Variants in SEMA3D observed in about 807,000 individuals in gnomAD.
SEMA3D encodes the protein semaphorin-3D.
SEMA3D carries 84 observed loss-of-function variants against 100.1 expected under a neutral mutation model. The observed-to-expected ratio is 0.84, with a 90% CI of 0.70 to 1.01. The LOEUF is 1.01. Among genes scored for constraint, SEMA3D ranks in the 50% least tolerant of loss-of-function variants. The probability of loss-of-function intolerance (pLI) is 0.00; values close to 1 mark genes in which losing one functional copy is unlikely to be tolerated. For synonymous variants in SEMA3D, 312 were observed against 320.7 expected (o/e 0.97, Z 0.29); for missense variants, 875 against 934.1 (o/e 0.94, Z 0.82).
chr7:85,203,600 A>G, the SEMA3D span, among the ~76,000 whole-genome samples: 1 of 152,126 alleles, frequency 6.6e-6, no homozygotes, highest in Non-Finnish European at 1.5e-5. Flanking sequence ...TTCCTGAAAA[A>G]TATTTCATGT....
In SEMA3D at chr7:85,081,478, G is replaced by T. The variant is rs1207142886; in HGVS notation, c.375+39C>A. 3 of 1,306,554 alleles carry T rather than the reference G, an allele frequency of 2.3e-6. No homozygotes were observed. The African/African-American group carries it at 4.3e-5, about 19-fold the overall frequency. 80.9% of individuals were successfully genotyped at this position (1,306,554 alleles called of 1,614,324 possible). A position where few individuals can be genotyped will look rare whatever the true frequency, so the allele number is the denominator to read the frequency against. ...ATAAATATTTGCTATCATATCAGTAGAAGTTTTACAAAGATAATTGTTACA... is the reference window on the plus strand; with the variant it reads ...ATAAATATTTGCTATCATATCAGTATAAGTTTTACAAAGATAATTGTTACA... On this transcript the variant is annotated intron_variant, in intron 5 of 18. Transcript: ENST00000284136.
chr7:85,018,240 G>A lies in SEMA3D; in HGVS notation c.1545+12C>T, dbSNP rs772292987. The A allele has an allele frequency of 6.4e-7, 1 of 1,564,492 alleles. No individual in the cohort carries two copies. Among genetic ancestry groups the A allele is most frequent in the Admixed American group, 1.7e-5 (1 of 59,492 alleles). On this transcript the variant is annotated intron_variant, in intron 15 of 18. Transcript: ENST00000284136. ...TTTTGTGATTAACTTTCATACAAAA[G>A]TTAAAAAGTACCTGCTTCAGAGACA... is the stretch of plus-strand genomic sequence containing the variant.
At chr7:85,166,943 G>A (rs1790922953) in intron 1 of SEMA3D, among the ~76,000 whole-genome samples, 1 of 151,908 alleles carries the variant, frequency 6.6e-6, no homozygotes, top group African/African-American at 2.4e-5. Context: ...CAAAGCAACT[G>A]ATCAGAACTA....
At chr7:85,082,339 C>CTTGAGTTCAAGGCTTTTTTCTTTCT (rs1349031782) in intron 4 of SEMA3D, among the ~76,000 whole-genome samples, 1 of 152,182 alleles carries the variant, frequency 6.6e-6, no homozygotes, top group Non-Finnish European at 1.5e-5. Context: ...GCTTCACGAT[C>CTTGAGTTCAAGGCTTTTTTCTTTCT]TTGAGTTCAA....
At chr7:85,037,064 T>C in intron 11 of SEMA3D, 31 bp from the exon 12 acceptor site, 2 of 1,603,396 alleles carry the variant, frequency 1.2e-6, no homozygotes, top group South Asian at 1.1e-5. Context: ...CATTCAATCA[T>C]TCACTGATGA....
intron 1 of SEMA3D, among the ~76,000 whole-genome samples, chr7:85,179,684 C>T (rs554957327): frequency 4.1e-4 from 59 of 142,960 alleles, no homozygotes; most frequent in East Asian, 4.1e-3. Context: ...TTTTTTGAGA[C>T]GGAATCTCGC....
the SEMA3D span, among the ~76,000 whole-genome samples, chr7:85,192,430 A>G: frequency 6.6e-6 from 1 of 152,212 alleles, no homozygotes; most frequent in East Asian, 1.9e-4. Context: ...TAAAATATTT[A>G]CCATCTGACT....
chr7:85,140,535 T>C, intron 2 of SEMA3D: 2 of 983,822 alleles, frequency 2.0e-6, no homozygotes, highest in Non-Finnish European at 2.4e-6. Context: ...ACTTCAAACA[T>C]CAGCACAAAT....
At chr7:85,015,506 C>A (rs563232867) in intron 15 of SEMA3D, among the ~76,000 whole-genome samples, 17 of 151,912 alleles carry the variant, frequency 1.1e-4, no homozygotes, top group African/African-American at 3.6e-4. Context: ...ATGTCAAATT[C>A]TTTCTCAATA....
At chr7:85,000,412 T>C (rs556943540) in intron 18 of SEMA3D, among the ~76,000 whole-genome samples, 4 of 152,246 alleles carry the variant, frequency 2.6e-5, no homozygotes, top group African/African-American at 9.6e-5. Flanking sequence ...GTTCTGTGAG[T>C]AGCATATGAA....
chr7:85,195,184 T>C, the SEMA3D span, among the ~76,000 whole-genome samples: 5 of 152,166 alleles, frequency 3.3e-5, no homozygotes, highest in African/African-American at 7.2e-5. Flanking sequence ...AGTTTAGTTA[T>C]GGCATCCAGT....
the SEMA3D span, among the ~76,000 whole-genome samples, chr7:85,208,156 T>A: frequency 6.6e-6 from 1 of 152,044 alleles, no homozygotes; most frequent in East Asian, 1.9e-4. Context: ...ATTGCATTTA[T>A]CAAGTAACTA....
intron 1 of SEMA3D, among the ~76,000 whole-genome samples, chr7:85,181,233 C>G (rs1367207758): frequency 6.6e-6 from 1 of 151,994 alleles, no homozygotes; most frequent in African/African-American, 2.4e-5. Flanking sequence ...AAGAACCAGA[C>G]ACCTTTGGAG....
At chr7:85,004,864 A>G (rs1357747407) in intron 18 of SEMA3D, among the ~76,000 whole-genome samples, 1 of 152,040 alleles carries the variant, frequency 6.6e-6, no homozygotes, top group African/African-American at 2.4e-5. Flanking sequence ...TACAGCAAAG[A>G]TACTTCTTTT....
rs979815076 is a variant in SEMA3D at position 85,036,883 on chromosome 7, A to T, written c.1191+6T>A. 2 of 1,603,850 alleles carry T rather than the reference A, an allele frequency of 1.2e-6. No homozygotes were observed. Among genetic ancestry groups the T allele is most frequent in the African/African-American group, 2.7e-5 (2 of 74,564 alleles). ...AAATAATTTGATTATTAAGTTGGAT[A>T]CATACTGTACCAGGCCGTGGATAAG... On this transcript the variant is annotated splice_donor_region_variant and intron_variant, in intron 12 of 18. Transcript: ENST00000284136.
At chr7:85,066,890 G>GCACACACACACACACACACA (rs1265828830) in intron 7 of SEMA3D, among the ~76,000 whole-genome samples, 34 of 100,658 alleles carry the variant, frequency 3.4e-4, no homozygotes, top group African/African-American at 2.7e-3. Flanking sequence ...GGAAATGTGC[G>GCACACACACACACACACACA]CTCACACACA....
the SEMA3D span, among the ~76,000 whole-genome samples, chr7:85,247,567 G>A: frequency 1.3e-5 from 2 of 152,042 alleles, no homozygotes; most frequent in African/African-American, 4.8e-5. Flanking sequence ...TACATGGAGA[G>A]GCATAAGAGC....
chr7:85,015,195 G>A lies in SEMA3D; in HGVS notation c.1567C>T (p.Arg523Ter), dbSNP rs1440424097. The change falls in exon 16 of 19, where the codon CGA becomes TGA. Residue 523 changes from arginine (R) to a stop codon, truncating the protein, a stop_gained. Transcript: ENST00000284136. LOFTEE classifies it high-confidence loss of function. ...AAGGAGAGCTGAACCAATCCATCTC[G>A]GGAACCAATGTACAATTGTTGCTGC... is the stretch of plus-strand genomic sequence containing the variant. ...LKQQQLYIGS[R>*]DGLVQLSLHR... The A allele has an allele frequency of 8.1e-6, 13 of 1,609,328 alleles. No individual in the cohort carries two copies. Among genetic ancestry groups the A allele is most frequent in the Non-Finnish European group, 9.3e-6 (11 of 1,176,684 alleles).
chr7:85,023,314 A>T (rs1343986623), intron 12 of SEMA3D, among the ~76,000 whole-genome samples: 1 of 151,852 alleles, frequency 6.6e-6, no homozygotes, highest in Non-Finnish European at 1.5e-5. Flanking sequence ...AAATCAAATG[A>T]ATTTTATGTG....
Sources: gnomAD v4.1 joint callset for allele counts (sites outside exome capture counted in the v4.1 genomes callset) on GRCh38, gnomAD v4.1.1 for gene constraint, MANE v1.5 for transcripts, NCBI Gene and HGNC (gene_info 2026-07-23, HGNC 2026-07-21) for gene names.